CDR2: variants seen among roughly 807,000 people sequenced by gnomAD.
The protein encoded by CDR2 is cerebellar degeneration related protein 2, also known as cerebellar degeneration-related protein 2.
Under a neutral mutation model 48.4 loss-of-function variants are expected in CDR2, and 34 were observed. That is an observed-to-expected ratio of 0.70 (90% CI 0.53 to 0.94). The LOEUF is 0.94. CDR2 is among the 40% of genes least tolerant of loss of function. The probability of loss-of-function intolerance (pLI) is 0.00; values close to 1 mark genes in which losing one functional copy is unlikely to be tolerated. For missense variants in CDR2, 498 were observed against 549.5 expected, an observed-to-expected ratio of 0.91 and a Z score of 0.94; for synonymous variants, 240 against 219.7, an observed-to-expected ratio of 1.09 and a Z score of -0.82.
intron 2 of CDR2, among the ~76,000 whole-genome samples, chr16:22,359,223 G>A (rs2048995994): frequency 6.6e-6 from 1 of 152,062 alleles, no homozygotes; most frequent in South Asian, 2.1e-4. Context: ...CACCTCCCGG[G>A]TTCAAGCAAT....
rs201976962 is a variant in CDR2, at chr16:22,360,739, C to CTTT, written c.192+4160_192+4162dup. ...TATTTTTCTGAATTAAAAAAATGAT[C>CTTT]TTTTTTTTTTTTTTTTTTTTTTTTT... On this transcript the variant is annotated intron_variant, in intron 2 of 4. Transcript: ENST00000268383. Among the ~76,000 whole-genome samples, 42 of 74,144 alleles carry CTTT rather than the reference C, an allele frequency of 5.7e-4. 4 individuals carry two copies. Among genetic ancestry groups the CTTT allele is most frequent in the African/African-American group, 7.6e-4 (16 of 21,168 alleles). The allele number at this position is 74,144 out of a possible 152,430, so 48.6% of individuals were successfully genotyped here. A position where few individuals can be genotyped will look rare whatever the true frequency, so the allele number is the denominator to read the frequency against.
intron 1 of CDR2, among the ~76,000 whole-genome samples, chr16:22,365,962 T>C (rs1261274334): frequency 6.6e-6 from 1 of 152,210 alleles, no homozygotes; most frequent in Non-Finnish European, 1.5e-5. Context: ...TATTCTTGTT[T>C]AGAGAGATGA....
intron 1 of CDR2, among the ~76,000 whole-genome samples, chr16:22,372,900 C>G (rs2049087888): frequency 6.6e-6 from 1 of 152,154 alleles, no homozygotes; most frequent in Admixed American, 6.5e-5. Context: ...TTAGCATGAA[C>G]AAGCAACATG....
intron 2 of CDR2, among the ~76,000 whole-genome samples, chr16:22,358,846 T>TTAA (rs2048993414): frequency 6.6e-6 from 1 of 152,200 alleles, no homozygotes; most frequent in Non-Finnish European, 1.5e-5. Flanking sequence ...ATTAGATTGT[T>TTAA]TTTAAAGTCT....
At chr16:22,352,698 C>T (rs547506686) in intron 2 of CDR2, among the ~76,000 whole-genome samples, 2 of 152,186 alleles carry the variant, frequency 1.3e-5, no homozygotes, top group East Asian at 3.9e-4. Flanking sequence ...AAAAAAAAAT[C>T]TTGCTTTATA....
Position 22,347,030 on chromosome 16 carries a change from T to A in CDR2, c.1300A>T (p.Lys434Ter). ...ALFKEIFSCI[K>*]KTKQEIDEQR... ...TCATCTATTTCCTGCTTAGTTTTCT[T>A]GATGCAACTAAAGATCTCCTTAAAC... Residue 434 changes from lysine (K) to a stop codon, truncating the protein, a stop_gained, in exon 5 of 5, where the codon AAG becomes TAG. Transcript: ENST00000268383. LOFTEE classifies it high-confidence loss of function. 1 of 1,614,078 alleles carries A rather than the reference T, an allele frequency of 6.2e-7. No homozygotes were observed. The highest frequency in any genetic ancestry group is 8.5e-7 in the Non-Finnish European group (1 of 1,179,918).
intron 2 of CDR2, among the ~76,000 whole-genome samples, chr16:22,358,290 T>G (rs191759248): frequency 9.1e-4 from 138 of 152,216 alleles, no homozygotes; most frequent in Middle Eastern, 6.8e-3. Flanking sequence ...AGGGAGACAT[T>G]TAAAGCAAAA....
chr16:22,349,306 C>T lies in CDR2; in HGVS notation c.479G>A (p.Cys160Tyr), dbSNP rs2048926479. The T allele has an allele frequency of 6.2e-7, 1 of 1,614,206 alleles. No homozygotes were observed. The highest frequency in any genetic ancestry group is 1.7e-5 in the Admixed American group (1 of 60,016). ...GCGGAGGTCATACAGCTCCTTCAGA[C>T]ATGCAAAGCTGGGTGCCGGTTTCTC... ...DQEKPAPSFA[C>Y]LKELYDLRQH... The change falls in exon 4 of 5, where the codon TGT becomes TAT. Residue 160 changes from cysteine (C) to tyrosine (Y), a missense_variant. Transcript: ENST00000268383.
chr16:22,374,358 A>G lies in CDR2; in HGVS notation c.-49T>C. ...GCGGCCCCCGCCGCCGTCCCGCCTC[A>G]GCCGCTGCCCCGGGCTCTTCCCCGG... On this transcript the variant is annotated 5_prime_UTR_variant, in exon 1 of 5. Coordinates refer to ENST00000268383, the MANE Select transcript of CDR2 (RefSeq NM_001802.2). 7.3e-7 allele frequency: 1 copy of G among 1,369,098 alleles called. No individual in the cohort carries two copies. Among genetic ancestry groups the G allele is most frequent in the Non-Finnish European group, 1.0e-6 (1 of 979,082 alleles). 84.8% of individuals were successfully genotyped at this position (1,369,098 alleles called of 1,614,324 possible). A position where few individuals can be genotyped will look rare whatever the true frequency, so the allele number is the denominator to read the frequency against.
chr16:22,363,912 G>T (rs911818918), intron 2 of CDR2, among the ~76,000 whole-genome samples: 4 of 152,126 alleles, frequency 2.6e-5, no homozygotes, highest in Non-Finnish European at 5.9e-5. Flanking sequence ...ATTTTAGTTT[G>T]TTAAGCTGGG....
chr16:22,369,746 A>C (rs2049064551), intron 1 of CDR2, among the ~76,000 whole-genome samples: 1 of 152,208 alleles, frequency 6.6e-6, no homozygotes, highest in South Asian at 2.1e-4. Flanking sequence ...TCCATAACCA[A>C]AAGAGGCCAA....
intron 2 of CDR2, among the ~76,000 whole-genome samples, chr16:22,355,042 TA>T (rs1467019015): frequency 6.6e-6 from 1 of 152,206 alleles, no homozygotes; most frequent in Non-Finnish European, 1.5e-5. Context: ...TCTACTCTCC[TA>T]CTTTCCTCGT....
chr16:22,360,815 T>A (rs1341754763), intron 2 of CDR2, among the ~76,000 whole-genome samples: 1 of 142,954 alleles, frequency 7.0e-6, no homozygotes, highest in Non-Finnish European at 1.5e-5. Flanking sequence ...AGTGGCAGGA[T>A]CTCGGCTCAC....
intron 2 of CDR2, among the ~76,000 whole-genome samples, chr16:22,351,836 G>A (rs188047949): frequency 2.0e-5 from 3 of 152,258 alleles, no homozygotes; most frequent in African/African-American, 7.2e-5. Flanking sequence ...CTAAAACACA[G>A]TATATATTCC....
rs1383857359 is a variant in CDR2 at position 22,346,755 on chromosome 16, G to A, written c.*210C>T. 13 of 602,436 alleles carry A rather than the reference G, an allele frequency of 2.2e-5. No homozygotes were observed. Among genetic ancestry groups the A allele is most frequent in the Non-Finnish European group, 3.2e-5 (11 of 341,994 alleles). 37.3% of individuals were successfully genotyped at this position (602,436 alleles called of 1,614,324 possible). On this transcript the variant is annotated 3_prime_UTR_variant, in exon 5 of 5. Coordinates refer to ENST00000268383, the MANE Select transcript of CDR2 (RefSeq NM_001802.2). ...CGCCAGCCAGAGGCCAGTTTGTCAT[G>A]GGATTTCCTGGGGAGCTTAAATGGA...
chr16:22,360,718 T>C (rs1297966205), intron 2 of CDR2, among the ~76,000 whole-genome samples: 1 of 151,722 alleles, frequency 6.6e-6, no homozygotes, highest in Non-Finnish European at 1.5e-5. Context: ...ACTATATATT[T>C]TTCTGAATTA....
intron 3 of CDR2, 114 bp from the exon 4 acceptor site, chr16:22,349,557 T>C (rs1449859660): frequency 7.1e-7 from 1 of 1,412,200 alleles, no homozygotes; most frequent in African/African-American, 1.4e-5. Context: ...TTGGAAAGGA[T>C]GTCTATTTAA....
intron 1 of CDR2, among the ~76,000 whole-genome samples, chr16:22,369,468 T>A (rs1001879939): frequency 6.6e-6 from 1 of 152,120 alleles, no homozygotes; most frequent in African/African-American, 2.4e-5. Flanking sequence ...CACTCTTTAG[T>A]AGATAGCAAA....
intron 2 of CDR2, among the ~76,000 whole-genome samples, chr16:22,360,439 C>T (rs1359028133): frequency 6.6e-6 from 1 of 152,052 alleles, no homozygotes; most frequent in African/African-American, 2.4e-5. Context: ...ACCAAAAATA[C>T]TGATCAATTT....
Sources: gnomAD v4.1 joint callset for allele counts (sites outside exome capture counted in the v4.1 genomes callset) on GRCh38, gnomAD v4.1.1 for gene constraint, MANE v1.5 for transcripts, NCBI Gene and HGNC (gene_info 2026-07-23, HGNC 2026-07-21) for gene names.